Variants in MAGI2 observed in about 807,000 individuals in gnomAD.
The protein encoded by MAGI2 is membrane-associated guanylate kinase, WW and PDZ domain-containing protein 2.
A neutral mutation model predicts 133.3 loss-of-function variants in MAGI2; 35 were observed. The ratio of observed to expected loss-of-function variants is 0.26; its 90% CI spans 0.20 to 0.35. The LOEUF (loss-of-function observed/expected upper bound fraction) is 0.35. Ranked by LOEUF, MAGI2 falls within the 10% of genes least tolerant of loss-of-function variation. MAGI2 has a pLI of 1.00. For missense variants in MAGI2, 1,636 were observed against 1,863.4 expected (o/e 0.88, Z 2.25); for synonymous variants, 729 against 710.6 (o/e 1.03, Z -0.41).
intron 6 of MAGI2, among the ~76,000 whole-genome samples, chr7:78,454,703 A>G (rs1416099894): frequency 1.3e-5 from 2 of 152,216 alleles, no homozygotes; most frequent in Non-Finnish European, 2.9e-5. Flanking sequence ...TAAACAAACC[A>G]TGGTGCAGCC....
chr7:78,279,124 A>T lies in MAGI2; in HGVS notation c.1409-22543T>A, dbSNP rs546006824. On this transcript the variant is annotated intron_variant, in intron 9 of 21. Coordinates refer to ENST00000354212, the MANE Select transcript of MAGI2 (RefSeq NM_012301.4). Reference sequence around the variant, plus strand: ...TTTACTAGTTGGTTTTTAGTCCTTTACTTACTTGGTACAGCACAAACACCG... The same window carrying T: ...TTTACTAGTTGGTTTTTAGTCCTTTTCTTACTTGGTACAGCACAAACACCG... Among the ~76,000 whole-genome samples the T allele has an allele frequency of 1.2e-4, 18 of 152,260 alleles. 1 individual carries two copies. The highest frequency in any genetic ancestry group is 1.1e-3 in the Admixed American group (17 of 15,284).
rs1826135377 is a variant in MAGI2, at chr7:79,176,828, A to G, written c.302-169622T>C. Among the ~76,000 whole-genome samples the G allele has an allele frequency of 1.3e-5, 2 of 152,006 alleles. 1 individual carries two copies. The highest frequency in any genetic ancestry group is 4.8e-5 in the African/African-American group (2 of 41,308). ...CAAGCTTTGGGTTAGTTTTAGTAAA[A>G]TGACACACTCAATGTACTAATTTGA... On this transcript the variant is annotated intron_variant, in intron 1 of 21. Transcript: ENST00000354212.
intron 6 of MAGI2, among the ~76,000 whole-genome samples, chr7:78,456,419 G>C (rs1789327137): frequency 6.6e-6 from 1 of 151,850 alleles, no homozygotes; most frequent in South Asian, 2.1e-4. Context: ...CATTTTTCAG[G>C]GACTTTTGCA....
intron 2 of MAGI2, among the ~76,000 whole-genome samples, chr7:78,632,311 A>T (rs993641717): frequency 6.6e-6 from 1 of 152,236 alleles, no homozygotes; most frequent in Non-Finnish European, 1.5e-5. Context: ...AGACTGTTAG[A>T]ACCTATGCAC....
At chr7:79,292,770 CAA>C (rs199933554) in intron 1 of MAGI2, among the ~76,000 whole-genome samples, 38 of 57,378 alleles carry the variant, frequency 6.6e-4, no homozygotes, top group South Asian at 5.4e-3. Context: ...TCAATTTCTG[CAA>C]AAAAAAAAAA....
At chr7:78,175,203 C>T (rs1826476377) in intron 14 of MAGI2, among the ~76,000 whole-genome samples, 1 of 152,150 alleles carries the variant, frequency 6.6e-6, no homozygotes, top group Non-Finnish European at 1.5e-5. Flanking sequence ...CCCTTCTTCT[C>T]TTGTAGTTGT....
chr7:79,308,611 C>T (rs1838009692), intron 1 of MAGI2, among the ~76,000 whole-genome samples: 1 of 152,162 alleles, frequency 6.6e-6, no homozygotes, highest in Non-Finnish European at 1.5e-5. Flanking sequence ...CAGCTGAACA[C>T]TAAACCTCTA....
chr7:78,151,139 G>A (rs966810497), intron 16 of MAGI2, among the ~76,000 whole-genome samples: 60 of 149,258 alleles, frequency 4.0e-4, no homozygotes, highest in Non-Finnish European at 2.8e-4. Flanking sequence ...GGAACCAGGC[G>A]GCCAGGTTGT....
chr7:79,223,076 G>A (rs1830578074), intron 1 of MAGI2, among the ~76,000 whole-genome samples: 1 of 151,670 alleles, frequency 6.6e-6, no homozygotes, highest in South Asian at 2.1e-4. Flanking sequence ...TAGTAGAGAC[G>A]GGGTTTTATC....
At chr7:79,123,618 T>A (rs1312395875) in intron 1 of MAGI2, among the ~76,000 whole-genome samples, 2 of 151,766 alleles carry the variant, frequency 1.3e-5, no homozygotes, top group Non-Finnish European at 2.9e-5. Flanking sequence ...AAACCTCATC[T>A]CTACTAAAAA....
intron 6 of MAGI2, among the ~76,000 whole-genome samples, chr7:78,431,954 T>C (rs116045282): frequency 0.016 from 2,365 of 152,122 alleles, 63 homozygotes; most frequent in African/African-American, 0.053. Flanking sequence ...CTTTCATATT[T>C]CCCACAGACT....
chr7:78,203,057 C>T (rs1829415502), intron 10 of MAGI2, among the ~76,000 whole-genome samples: 1 of 152,180 alleles, frequency 6.6e-6, no homozygotes, highest in Admixed American at 6.5e-5. Flanking sequence ...CCATTGTCTT[C>T]AGTGAAGTAT....
At chr7:79,190,174 A>G (rs1420559036) in intron 1 of MAGI2, among the ~76,000 whole-genome samples, 1 of 151,844 alleles carries the variant, frequency 6.6e-6, no homozygotes, top group African/African-American at 2.4e-5. Flanking sequence ...GTCTGGTAAG[A>G]CAATGTTAAG....
intron 6 of MAGI2, among the ~76,000 whole-genome samples, chr7:78,479,484 C>T (rs1167402570): frequency 6.6e-6 from 1 of 151,878 alleles, no homozygotes; most frequent in Non-Finnish European, 1.5e-5. Flanking sequence ...CTTTCTGTAA[C>T]TTGCAAGTGG....
At chr7:78,784,800 G>A (rs373445379) in intron 2 of MAGI2, among the ~76,000 whole-genome samples, 41 of 152,302 alleles carry the variant, frequency 2.7e-4, no homozygotes, top group African/African-American at 8.9e-4. Flanking sequence ...GTCAAGTAAA[G>A]CTTTGAATAA....
intron 14 of MAGI2, among the ~76,000 whole-genome samples, chr7:78,175,222 A>T (rs1826477182): frequency 6.6e-6 from 1 of 152,140 alleles, no homozygotes; most frequent in Non-Finnish European, 1.5e-5. Flanking sequence ...GTCAAGAATA[A>T]CTATAGAAGG....
intron 6 of MAGI2, among the ~76,000 whole-genome samples, chr7:78,427,429 C>T (rs1167307898): frequency 6.6e-6 from 1 of 151,886 alleles, no homozygotes; most frequent in Non-Finnish European, 1.5e-5. Context: ...CAAAAGAAAG[C>T]CATACTGATA....
chr7:78,851,733 T>C (rs1793155818), intron 2 of MAGI2, among the ~76,000 whole-genome samples: 1 of 152,158 alleles, frequency 6.6e-6, no homozygotes, highest in African/African-American at 2.4e-5. Flanking sequence ...GATCCATCCA[T>C]GTTGACGTCT....
intron 10 of MAGI2, among the ~76,000 whole-genome samples, chr7:78,230,154 C>A (rs774143757): frequency 6.6e-6 from 1 of 152,216 alleles, no homozygotes; most frequent in Non-Finnish European, 1.5e-5. Flanking sequence ...TCTCATCATG[C>A]CTGATAAGGC....
Sources: gnomAD v4.1 joint callset for allele counts (sites outside exome capture counted in the v4.1 genomes callset) on GRCh38, gnomAD v4.1.1 for gene constraint, MANE v1.5 for transcripts, NCBI Gene and HGNC (gene_info 2026-07-23, HGNC 2026-07-21) for gene names.